SLC17A9: variants seen among roughly 807,000 people sequenced by gnomAD.
The protein encoded by SLC17A9 is solute carrier family 17 member 9.
Under a neutral mutation model 55.0 loss-of-function variants are expected in SLC17A9, and 49 were observed. That is an observed-to-expected ratio of 0.89 (90% CI 0.71 to 1.13). The LOEUF (loss-of-function observed/expected upper bound fraction) is 1.13, where lower values mean the gene tolerates loss of function less well. Among genes scored for constraint, SLC17A9 ranks in the 50% most tolerant of loss-of-function variants. The pLI is 0.00. For synonymous variants in SLC17A9, 256 were observed against 247.4 expected, an observed-to-expected ratio of 1.03 and a Z score of -0.32; for missense variants, 526 against 569.3, an observed-to-expected ratio of 0.92 and a Z score of 0.77.
At chr20:62,953,336 C>T in intron 1 of SLC17A9, 1 of 1,512,506 alleles carries the variant, frequency 6.6e-7, no homozygotes, top group Admixed American at 2.0e-5. Flanking sequence ...CACCACGTGC[C>T]AGCTGTGTGC....
chr20:62,960,641 C>T lies in SLC17A9; in HGVS notation c.497+38C>T, dbSNP rs772079523. 15 of 1,572,472 alleles carry T rather than the reference C, an allele frequency of 9.5e-6. No individual in the cohort carries two copies. In the Admixed American group the frequency reaches 2.7e-4, roughly 28 times the overall value. The stretch of plus-strand genomic sequence containing the variant: ...CTAAGACGGGGCCCAGGAGAGGCCA[C>T]CAGGTGAGCCCCTTGCCGAGTGGCC... On this transcript the variant is annotated intron_variant, in intron 4 of 12. Transcript: ENST00000370351.
At chr20:62,960,152 C>A (rs555193403) in intron 3 of SLC17A9, among the ~76,000 whole-genome samples, 10 of 152,346 alleles carry the variant, frequency 6.6e-5, no homozygotes, top group African/African-American at 2.4e-4. Context: ...TGAACACGTG[C>A]GTGTGCAGGC....
At chr20:62,964,028 C>T in intron 7 of SLC17A9, 200 bp from the exon 8 acceptor site, 1 of 645,024 alleles carries the variant, frequency 1.6e-6, no homozygotes, top group South Asian at 1.8e-5. Flanking sequence ...CTGCGGTCAG[C>T]ACGGTTCCTT....
chr20:62,962,585 C>T lies in SLC17A9; in HGVS notation c.498-39C>T. On this transcript the variant is annotated intron_variant, in intron 4 of 12. Coordinates refer to ENST00000370351, the MANE Select transcript of SLC17A9 (RefSeq NM_022082.4). This position sits in a 1 kb window ranked among gnomAD's most constrained non-coding sequence, Gnocchi z 5.5. ...GAGGCCCCTCCTCACCCGAGGGGTG[C>T]CGCTGAGGGGCCTGGCCACACTCCC... 7 of 1,607,826 alleles carry T rather than the reference C, an allele frequency of 4.4e-6. No homozygotes were observed. The highest frequency in any genetic ancestry group is 5.9e-6 in the Non-Finnish European group (7 of 1,176,588).
chr20:62,955,467 TTTTTGTTTTG>T (rs1289083505), intron 1 of SLC17A9, among the ~76,000 whole-genome samples: 2 of 152,078 alleles, frequency 1.3e-5, no homozygotes, highest in African/African-American at 4.8e-5. Flanking sequence ...TTAAAGTTTT[TTTTTGTTTTG>T]TTTTGTTTTT....
At position 62,969,149 on chromosome 20, in the gene SLC17A9, C is replaced by G. The variant is rs1486498714; in HGVS notation, c.*1649C>G. ...CCAAGCCCAGGAAGCCCACCTGCGGCTGAGTTCAGAGGTGGGGCCTGTGCG... is the reference window on the plus strand; with the variant it reads ...CCAAGCCCAGGAAGCCCACCTGCGGGTGAGTTCAGAGGTGGGGCCTGTGCG... On this transcript the variant is annotated 3_prime_UTR_variant, in exon 13 of 13. Transcript: ENST00000370351. 1 of 152,210 alleles carries G rather than the reference C, an allele frequency of 6.6e-6. No homozygotes were observed. The highest frequency in any genetic ancestry group is 1.9e-4 in the East Asian group (1 of 5,202). 9.4% of individuals were successfully genotyped at this position (152,210 alleles called of 1,614,324 possible). A position where few individuals can be genotyped will look rare whatever the true frequency, so the allele number is the denominator to read the frequency against.
intron 12 of SLC17A9, chr20:62,967,102 G>A (rs918543067): frequency 3.4e-6 from 2 of 592,726 alleles, no homozygotes; most frequent in Non-Finnish European, 5.9e-6. Context: ...GGACAAAGGG[G>A]ACTTGTTACC....
intron 7 of SLC17A9, 31 bp from the exon 8 acceptor site, chr20:62,964,197 G>A: frequency 6.2e-7 from 1 of 1,611,488 alleles, no homozygotes; most frequent in South Asian, 1.1e-5. Context: ...GCCGGCCCTG[G>A]CCCCCTCTAA....
rs369696432 is a variant in SLC17A9 at position 62,960,561 on chromosome 20, G to A, written c.455G>A (p.Arg152Gln). 62 of 1,613,450 alleles carry A rather than the reference G, an allele frequency of 3.8e-5. No homozygotes were observed. Among genetic ancestry groups the A allele is most frequent in the Non-Finnish European group, 5.0e-5 (59 of 1,180,008 alleles). ...TCGCAGAAGGTGCGGGAGAGTGAGC[G>A]AGCCTTCACCTACAGCATCGTGGGC... ...LLSQKVRESE[R>Q]AFTYSIVGAG... Residue 152 changes from arginine to glutamine, a missense_variant, in exon 4 of 13, where the codon CGA becomes CAA. Arg to Gln is a conservative substitution (Grantham distance 43). Coordinates refer to ENST00000370351, the MANE Select transcript of SLC17A9 (RefSeq NM_022082.4).
At position 62,953,201 on chromosome 20, in the gene SLC17A9, C is replaced by T. The variant is rs774559565; in HGVS notation, c.59+312C>T. ...TGTCCTGGACAGTCAGGAGGCATAC[C>T]CCTCGCCAGGTGGAACCACCCTGTG... On this transcript the variant is annotated intron_variant, in intron 1 of 12. Coordinates refer to ENST00000370351, the MANE Select transcript of SLC17A9 (RefSeq NM_022082.4). The T allele has an allele frequency of 7.4e-5, 114 of 1,550,402 alleles. No homozygotes were observed. In the African/African-American group the frequency reaches 1.3e-3, roughly 17 times the overall value.
intron 10 of SLC17A9, among the ~76,000 whole-genome samples, chr20:62,965,939 C>T (rs1296235267): frequency 2.6e-5 from 4 of 152,260 alleles, no homozygotes; most frequent in South Asian, 2.1e-4. Flanking sequence ...GTGATTTGTG[C>T]GAACATGCTT....
chr20:62,957,448 G>T lies in SLC17A9; in HGVS notation c.265G>T (p.Gly89Cys), dbSNP rs750330016. ...CCTCTGTCTTCCCTCCAGGATTGGG[G>T]GTGAGAAGGTCATCCTGCTGTCAGC... ...VGGHLGDRIG[G>C]EKVILLSASA... Residue 89 changes from glycine to cysteine, a missense_variant, in exon 3 of 13, where the codon GGT becomes TGT. Transcript: ENST00000370351. 6.3e-7 allele frequency: 1 copy of T among 1,586,644 alleles called. No homozygotes were observed. The highest frequency in any genetic ancestry group is 2.3e-5 in the East Asian group (1 of 44,298).
At chr20:62,965,793 A>G in intron 10 of SLC17A9, 68 bp downstream of exon 10, 1 of 1,437,232 alleles carries the variant, frequency 7.0e-7, no homozygotes, top group Non-Finnish European at 9.7e-7. Context: ...GCACATGTGA[A>G]GAGGGAGCTC....
Position 62,968,070 on chromosome 20 carries a change from A to T in SLC17A9, c.*570A>T, listed in dbSNP as rs2065656313. Reference sequence around the variant, plus strand: ...AGCAGCTCCCAGTCAGACAACAGCCAGAAATGTCTCCAGACTCTGCCCAGC... The same window carrying T: ...AGCAGCTCCCAGTCAGACAACAGCCTGAAATGTCTCCAGACTCTGCCCAGC... On this transcript the variant is annotated 3_prime_UTR_variant, in exon 13 of 13. Coordinates refer to ENST00000370351, the MANE Select transcript of SLC17A9 (RefSeq NM_022082.4). 6.5e-6 allele frequency: 1 copy of T among 153,664 alleles called. No individual in the cohort carries two copies. Among genetic ancestry groups the T allele is most frequent in the Non-Finnish European group, 1.4e-5 (1 of 69,216 alleles). 9.5% of individuals were successfully genotyped at this position (153,664 alleles called of 1,614,324 possible). A position where few individuals can be genotyped will look rare whatever the true frequency, so the allele number is the denominator to read the frequency against.
rs2065596647 is a variant in SLC17A9, at chr20:62,962,462, A to G, written c.498-162A>G. ...CCCTGAGTACCCGAAGTCCTTAACA[A>G]AACAGGCCAGGACGGTGGCTTCTGA... On this transcript the variant is annotated intron_variant, in intron 4 of 12. Transcript: ENST00000370351. The surrounding 1 kb of genome is among the most constrained non-coding windows in gnomAD (Gnocchi z 5.5). 1 of 882,318 alleles carries G rather than the reference A, an allele frequency of 1.1e-6. No homozygotes were observed. The highest frequency in any genetic ancestry group is 1.6e-6 in the Non-Finnish European group (1 of 609,090). 54.7% of individuals were successfully genotyped at this position (882,318 alleles called of 1,614,324 possible). A position where few individuals can be genotyped will look rare whatever the true frequency, so the allele number is the denominator to read the frequency against.
intron 8 of SLC17A9, 168 bp from the exon 9 acceptor site, chr20:62,964,964 C>A (rs2427465): frequency 0.99 from 712,903 of 719,112 alleles, 353,654 homozygotes; most frequent in East Asian, 1. Flanking sequence ...CGGCTGCACC[C>A]CACATGCGTG....
chr20:62,964,394 C>T, intron 8 of SLC17A9, 79 bp downstream of exon 8: 2 of 1,409,224 alleles, frequency 1.4e-6, no homozygotes, highest in African/African-American at 1.4e-5. Flanking sequence ...TGCTCCCATC[C>T]TGGGGCTGCA....
Position 62,956,967 on chromosome 20 carries a change from C to T in SLC17A9, c.257+5C>T, listed in dbSNP as rs201649156. 1.1e-5 allele frequency: 18 copies of T among 1,613,270 alleles called. No individual in the cohort carries two copies. In the African/African-American group the frequency reaches 1.7e-4, roughly 16 times the overall value. ...GGGCGGCCACCTCGGGGATCGGTAA[C>T]TGCCCATCTTCCCCATCTCCTGGCT... is the stretch of plus-strand genomic sequence containing the variant. On this transcript the variant is annotated splice_donor_5th_base_variant and intron_variant, in intron 2 of 12. Transcript: ENST00000370351.
intron 1 of SLC17A9, among the ~76,000 whole-genome samples, chr20:62,955,502 G>C (rs2065529863): frequency 6.6e-6 from 1 of 151,862 alleles, no homozygotes; most frequent in South Asian, 2.1e-4. Flanking sequence ...GTAGAGCTGA[G>C]GATGTCCCCA....
Sources: gnomAD v4.1 joint callset for allele counts (sites outside exome capture counted in the v4.1 genomes callset) on GRCh38, gnomAD v4.1.1 for gene constraint, Gnocchi (gnomAD v3.1) non-coding constraint, MANE v1.5 for transcripts, NCBI Gene and HGNC (gene_info 2026-07-23, HGNC 2026-07-21) for gene names.